The following UGT1A9 variants were observed in gnomAD, a reference collection of about 807,000 sequenced individuals.
UGT1A9 encodes the protein UDP-glucuronosyltransferase 1A9.
Under a neutral mutation model 45.0 loss-of-function variants are expected in UGT1A9, and 35 were observed. The ratio of observed to expected loss-of-function variants is 0.78; its 90% CI spans 0.59 to 1.03. The LOEUF (loss-of-function observed/expected upper bound fraction) is 1.03. UGT1A9 is among the 50% of genes least tolerant of loss of function. UGT1A9 has a pLI of 0.00. For missense variants in UGT1A9, 687 were observed against 666.6 expected (o/e 1.03, Z -0.34); for synonymous variants, 278 against 250.6 (o/e 1.11, Z -1.03).
intron 1 of UGT1A9, chr2:233,692,193 G>A (rs1481987311): frequency 6.6e-6 from 1 of 152,356 alleles, no homozygotes; most frequent in East Asian, 1.9e-4. Context: ...GGTTGCTGAA[G>A]GTGTGGAGGG....
intron 1 of UGT1A9, chr2:233,682,550 G>A (rs1257195074): frequency 6.2e-7 from 1 of 1,613,926 alleles, no homozygotes; most frequent in East Asian, 2.2e-5. Context: ...GACTTTCAAG[G>A]AGAGAGTATG....
intron 1 of UGT1A9, among the ~76,000 whole-genome samples, chr2:233,710,119 C>A (rs1015983939): frequency 1.3e-5 from 2 of 152,178 alleles, no homozygotes; most frequent in Non-Finnish European, 1.5e-5. Flanking sequence ...GTTTCTATTT[C>A]CGAGTAGCAT....
intron 1 of UGT1A9, chr2:233,721,861 C>A: frequency 2.0e-6 from 1 of 507,538 alleles, no homozygotes; most frequent in Non-Finnish European, 3.9e-6. Flanking sequence ...CTGCTCGGCC[C>A]TGGGCACACT....
chr2:233,699,542 A>G (rs572056106), intron 1 of UGT1A9, among the ~76,000 whole-genome samples: 2 of 152,328 alleles, frequency 1.3e-5, no homozygotes, highest in East Asian at 3.9e-4. Context: ...CATTCACATC[A>G]TAGAGCCAGG....
At chr2:233,719,141 G>C in intron 1 of UGT1A9, 1 of 1,614,274 alleles carries the variant, frequency 6.2e-7, no homozygotes, top group Non-Finnish European at 8.5e-7. Flanking sequence ...AACATCTTCT[G>C]AAGAGATATT....
intron 1 of UGT1A9, among the ~76,000 whole-genome samples, chr2:233,758,095 C>A (rs1037336650): frequency 2.0e-5 from 3 of 152,150 alleles, no homozygotes; most frequent in Non-Finnish European, 2.9e-5. Context: ...ATAGTGACTG[C>A]CATCCAGTAG....
chr2:233,694,680 C>T (rs2075234275), intron 1 of UGT1A9, among the ~76,000 whole-genome samples: 1 of 152,146 alleles, frequency 6.6e-6, no homozygotes. Context: ...TCAAACAGGT[C>T]CCAAAGACCC....
intron 1 of UGT1A9, among the ~76,000 whole-genome samples, chr2:233,704,944 T>C (rs1231562726): frequency 6.6e-6 from 1 of 152,116 alleles, no homozygotes; most frequent in Non-Finnish European, 1.5e-5. Flanking sequence ...AAGACCAGCC[T>C]GGCCAACATG....
At chr2:233,701,957 A>T (rs1342088901) in intron 1 of UGT1A9, among the ~76,000 whole-genome samples, 1 of 152,218 alleles carries the variant, frequency 6.6e-6, no homozygotes, top group Non-Finnish European at 1.5e-5. Context: ...GAGCAAACAC[A>T]TTCAAAAGCT....
intron 1 of UGT1A9, among the ~76,000 whole-genome samples, chr2:233,677,509 C>G (rs1272888813): frequency 6.6e-6 from 1 of 152,016 alleles, no homozygotes; most frequent in Non-Finnish European, 1.5e-5. Context: ...GTATTATATC[C>G]TGTATTATGA....
At chr2:233,742,506 T>C (rs1389190553) in intron 1 of UGT1A9, among the ~76,000 whole-genome samples, 1 of 151,946 alleles carries the variant, frequency 6.6e-6, no homozygotes, top group East Asian at 1.9e-4. Flanking sequence ...ATGGCTATCA[T>C]GAACACGTCA....
intron 4 of UGT1A9, 57 bp from the exon 5 acceptor site, chr2:233,772,205 A>T: frequency 6.2e-7 from 1 of 1,608,796 alleles, no homozygotes; most frequent in Non-Finnish European, 8.5e-7. Flanking sequence ...GAGCATAAAG[A>T]GAGGATTGTT....
rs538474452 is a variant in UGT1A9, at chr2:233,688,348, T to C, written c.855+15559T>C. 2.6e-5 allele frequency among the ~76,000 whole-genome samples: 4 copies of C among 152,352 alleles called. No homozygotes were observed. In the South Asian group the frequency reaches 8.3e-4, roughly 32 times the overall value. ...TTGGGTTGTTTCCCATTTTCAGCCA[T>C]GAAAAATAATGTTGTTGTGAACATT... On this transcript the variant is annotated intron_variant, in intron 1 of 4. Coordinates refer to ENST00000354728, the MANE Select transcript of UGT1A9 (RefSeq NM_021027.3).
At position 233,694,085 on chromosome 2, in the gene UGT1A9, A is replaced by G. The variant is rs1034511952; in HGVS notation, c.855+21296A>G. Among the ~76,000 whole-genome samples the G allele has an allele frequency of 7.2e-5, 11 of 152,174 alleles. No individual in the cohort carries two copies. In the East Asian group the frequency reaches 2.1e-3, roughly 29 times the overall value. ...GACAGGGCTCATGCTTGGCAAGAGT[A>G]GGAGATTTGCTTAGTTGGATAATCT... On this transcript the variant is annotated intron_variant, in intron 1 of 4. Coordinates refer to ENST00000354728, the MANE Select transcript of UGT1A9 (RefSeq NM_021027.3).
chr2:233,687,478 T>C (rs1279776025), intron 1 of UGT1A9, among the ~76,000 whole-genome samples: 1 of 151,062 alleles, frequency 6.6e-6, no homozygotes, highest in African/African-American at 2.4e-5. Flanking sequence ...TTGGCAGACC[T>C]ATTTTTCAGA....
chr2:233,713,984 G>A, intron 1 of UGT1A9: 1 of 1,586,010 alleles, frequency 6.3e-7, no homozygotes. Context: ...TCTCATTGTT[G>A]TAATAGTCTT....
intron 1 of UGT1A9, among the ~76,000 whole-genome samples, chr2:233,748,877 G>T (rs1694052195): frequency 6.6e-6 from 1 of 151,560 alleles, no homozygotes; most frequent in Admixed American, 6.6e-5. Flanking sequence ...GGACGGTGAT[G>T]AATGGACATG....
intron 1 of UGT1A9, among the ~76,000 whole-genome samples, chr2:233,725,546 T>A (rs1230093464): frequency 2.0e-5 from 3 of 152,124 alleles, no homozygotes; most frequent in Non-Finnish European, 4.4e-5. Flanking sequence ...ATCACAAATA[T>A]TATCCTTTCA....
intron 1 of UGT1A9, among the ~76,000 whole-genome samples, chr2:233,709,774 A>G (rs183310519): frequency 6.6e-6 from 1 of 152,330 alleles, no homozygotes; most frequent in East Asian, 1.9e-4. Context: ...TTTACATGCA[A>G]TAAAGTGCAC....
Sources: gnomAD v4.1 joint callset for allele counts (sites outside exome capture counted in the v4.1 genomes callset) on GRCh38, gnomAD v4.1.1 for gene constraint, MANE v1.5 for transcripts, NCBI Gene and HGNC (gene_info 2026-07-23, HGNC 2026-07-21) for gene names.